HSBP1: variants seen among roughly 807,000 people sequenced by gnomAD.
HSBP1 encodes heat shock factor-binding protein 1.
HSBP1 carries 5 observed loss-of-function variants against 9.6 expected under a neutral mutation model. That is an observed-to-expected ratio of 0.52 (90% CI 0.27 to 1.09). The LOEUF (loss-of-function observed/expected upper bound fraction) is 1.09, where lower values mean the gene tolerates loss of function less well. HSBP1 is among the 50% of genes least tolerant of loss of function. The pLI, the probability that HSBP1 is intolerant of heterozygous loss-of-function variation, is 0.11. For missense variants in HSBP1, 121 were observed against 96.3 expected, an observed-to-expected ratio of 1.26 and a Z score of -1.07; for synonymous variants, 42 against 33.3, an observed-to-expected ratio of 1.26 and a Z score of -0.90.
rs1254888672 is a variant in HSBP1, at chr16:83,812,817, C to T, written c.*1399C>T. 6.6e-6 allele frequency: 1 copy of T among 152,238 alleles called. No individual in the cohort carries two copies. The highest frequency in any genetic ancestry group is 2.4e-5 in the African/African-American group (1 of 41,396). The allele number at this position is 152,238 out of a possible 1,614,324, so 9.4% of individuals were successfully genotyped here. A position where few individuals can be genotyped will look rare whatever the true frequency, so the allele number is the denominator to read the frequency against. The stretch of plus-strand genomic sequence containing the variant: ...GACCAGACCATCCGAAACCTGCGTC[C>T]CTGGTGATGTTCTCAAGCCTCGGAA... On this transcript the variant is annotated 3_prime_UTR_variant, in exon 4 of 4. Transcript: ENST00000433866.
intron 3 of HSBP1, among the ~76,000 whole-genome samples, chr16:83,810,747 T>G (rs1904583713): frequency 7.1e-6 from 1 of 140,448 alleles, no homozygotes; most frequent in Admixed American, 7.2e-5. Context: ...AGGCAGAGTT[T>G]GCAGTGAGTC....
intron 2 of HSBP1, 163 bp from the exon 3 acceptor site, chr16:83,809,142 T>A (rs1904536280): frequency 3.5e-6 from 2 of 574,924 alleles, no homozygotes; most frequent in East Asian, 5.7e-5. Context: ...GGGGTAGCCA[T>A]GCCCCACAGT....
At position 83,819,081 on chromosome 16, in the gene HSBP1, G is replaced by A. The variant is rs1904782722; in HGVS notation, c.*7663G>A. On this transcript the variant is annotated 3_prime_UTR_variant, in exon 4 of 4. Coordinates refer to ENST00000433866, the MANE Select transcript of HSBP1 (RefSeq NM_001537.4). Reference sequence around the variant, plus strand: ...TGAGAGTGAGAGAGCCAGGGCCTTCGGGCATCAACCTTGGGGCGAGGGTGT... The same window carrying A: ...TGAGAGTGAGAGAGCCAGGGCCTTCAGGCATCAACCTTGGGGCGAGGGTGT... The A allele has an allele frequency of 1.3e-5, 2 of 151,888 alleles. No individual in the cohort carries two copies. The highest frequency in any genetic ancestry group is 6.6e-5 in the Admixed American group (1 of 15,236). The allele number at this position is 151,888 out of a possible 1,614,324, so 9.4% of individuals were successfully genotyped here. A position where few individuals can be genotyped will look rare whatever the true frequency, so the allele number is the denominator to read the frequency against.
At chr16:83,808,278 C>T (rs1038631167) in intron 1 of HSBP1, 157 bp downstream of exon 1, 7 of 652,852 alleles carry the variant, frequency 1.1e-5, no homozygotes, top group South Asian at 2.0e-5. Flanking sequence ...GCCACCTTGA[C>T]CCCCGGGGCG....
intron 3 of HSBP1, 114 bp downstream of exon 3, chr16:83,809,539 G>A: frequency 1.7e-6 from 1 of 586,492 alleles, no homozygotes; most frequent in Non-Finnish European, 2.9e-6. Context: ...CACGATCTCG[G>A]CTCCCTGCAA....
Position 83,811,412 on chromosome 16 carries a change from C to T in HSBP1, c.*3-9C>T, listed in dbSNP as rs574463469. On this transcript the variant is annotated splice_polypyrimidine_tract_variant and intron_variant, in intron 3 of 3. Coordinates refer to ENST00000433866, the MANE Select transcript of HSBP1 (RefSeq NM_001537.4). ...AAAAACATGTTGATGATTTTTCCTT[C>T]TTCAACAGGTTGCTAATAATTTATA... is the stretch of plus-strand genomic sequence containing the variant. 5.3e-5 allele frequency: 8 copies of T among 152,346 alleles called. No individual in the cohort carries two copies. Among genetic ancestry groups the T allele is most frequent in the Admixed American group, 1.3e-4 (2 of 15,306 alleles). 9.4% of individuals were successfully genotyped at this position (152,346 alleles called of 1,614,324 possible). A position where few individuals can be genotyped will look rare whatever the true frequency, so the allele number is the denominator to read the frequency against.
rs1281468630 is a variant in HSBP1, at chr16:83,813,778, A to C, written c.*2360A>C. On this transcript the variant is annotated 3_prime_UTR_variant, in exon 4 of 4. Coordinates refer to ENST00000433866, the MANE Select transcript of HSBP1 (RefSeq NM_001537.4). ...ACATTTAATTAAGTGCCCTGTCTCA[A>C]ACCCCAAGGCCCCACAGCTTCTTCA... The C allele has an allele frequency of 1.3e-5, 2 of 152,174 alleles. No homozygotes were observed. The highest frequency in any genetic ancestry group is 4.8e-5 in the African/African-American group (2 of 41,414). The allele number at this position is 152,174 out of a possible 1,614,324, so 9.4% of individuals were successfully genotyped here. A position where few individuals can be genotyped will look rare whatever the true frequency, so the allele number is the denominator to read the frequency against.
rs1904749658 is a variant in HSBP1, at chr16:83,817,556, A to G, written c.*6138A>G. The stretch of plus-strand genomic sequence containing the variant: ...AGCTGGAATTCATCTCCCTCTAATC[A>G]GCCTTCAAAACCTCCATTTGTAAAC... On this transcript the variant is annotated 3_prime_UTR_variant, in exon 4 of 4. Coordinates refer to ENST00000433866, the MANE Select transcript of HSBP1 (RefSeq NM_001537.4). 6.6e-6 allele frequency: 1 copy of G among 152,220 alleles called. No individual in the cohort carries two copies. The highest frequency in any genetic ancestry group is 2.4e-5 in the African/African-American group (1 of 41,438). The allele number at this position is 152,220 out of a possible 1,614,324, so 9.4% of individuals were successfully genotyped here.
At position 83,811,764 on chromosome 16, in the gene HSBP1, A is replaced by AT. The variant is rs1004997278; in HGVS notation, c.*352dup. The AT allele has an allele frequency of 8.6e-5, 13 of 152,028 alleles. No homozygotes were observed. Among genetic ancestry groups the AT allele is most frequent in the Non-Finnish European group, 1.6e-4 (11 of 68,004 alleles). The allele number at this position is 152,028 out of a possible 1,614,324, so 9.4% of individuals were successfully genotyped here. A position where few individuals can be genotyped will look rare whatever the true frequency, so the allele number is the denominator to read the frequency against. ...CTGTTTGGATAAAAGTTGATGTGTG[A>AT]TTTTTTATTAAACAAATAGTAAACC... On this transcript the variant is annotated 3_prime_UTR_variant, in exon 4 of 4. Transcript: ENST00000433866.
chr16:83,814,332 T>C lies in HSBP1; in HGVS notation c.*2914T>C, dbSNP rs1904670326. The C allele has an allele frequency of 6.6e-6, 1 of 152,268 alleles. No individual in the cohort carries two copies. The allele number at this position is 152,268 out of a possible 1,614,324, so 9.4% of individuals were successfully genotyped here. Reference sequence around the variant, plus strand: ...CACAACAACACTGAGAGGTTTTCATTTGATGAGTCATATTTAAAGAAAAGG... The same window carrying C: ...CACAACAACACTGAGAGGTTTTCATCTGATGAGTCATATTTAAAGAAAAGG... On this transcript the variant is annotated 3_prime_UTR_variant, in exon 4 of 4. Coordinates refer to ENST00000433866, the MANE Select transcript of HSBP1 (RefSeq NM_001537.4).
In HSBP1 at chr16:83,812,074, G is replaced by C. The variant is rs1021796664; in HGVS notation, c.*656G>C. ...CTTGTGTCAGAACTTTTACAGTACA[G>C]AAAATAACAGAATAGCCTTCTGTAA... On this transcript the variant is annotated 3_prime_UTR_variant, in exon 4 of 4. Coordinates refer to ENST00000433866, the MANE Select transcript of HSBP1 (RefSeq NM_001537.4). The C allele has an allele frequency of 6.6e-6, 1 of 152,632 alleles. No homozygotes were observed. The highest frequency in any genetic ancestry group is 6.5e-5 in the Admixed American group (1 of 15,276). 9.5% of individuals were successfully genotyped at this position (152,632 alleles called of 1,614,324 possible).
rs1306205387 is a variant in HSBP1 at position 83,818,993 on chromosome 16, G to C, written c.*7575G>C. The C allele has an allele frequency of 6.6e-6, 1 of 151,622 alleles. No homozygotes were observed. Among genetic ancestry groups the C allele is most frequent in the East Asian group, 1.9e-4 (1 of 5,162 alleles). The allele number at this position is 151,622 out of a possible 1,614,324, so 9.4% of individuals were successfully genotyped here. A position where few individuals can be genotyped will look rare whatever the true frequency, so the allele number is the denominator to read the frequency against. ...TCCCCAGGCCCTACCTAGCCCTACT[G>C]AATCAGAGACCCTGGGAGGGAGGTC... On this transcript the variant is annotated 3_prime_UTR_variant, in exon 4 of 4. Coordinates refer to ENST00000433866, the MANE Select transcript of HSBP1 (RefSeq NM_001537.4).
chr16:83,809,106 T>A lies in HSBP1; in HGVS notation c.113-199T>A, dbSNP rs62045410. 6.1e-3 allele frequency: 3,447 copies of A among 560,532 alleles called. 24 individuals are homozygous for A. Among genetic ancestry groups the A allele is most frequent in the Non-Finnish European group, 8.2e-3 (2,579 of 316,214 alleles). 34.7% of individuals were successfully genotyped at this position (560,532 alleles called of 1,614,324 possible). A position where few individuals can be genotyped will look rare whatever the true frequency, so the allele number is the denominator to read the frequency against. ...TGAGGTTTAGGGGTTCCATCACTAG[T>A]AAGGGTCAGGGCTGGAATCCGATGC... On this transcript the variant is annotated intron_variant, in intron 2 of 3. Coordinates refer to ENST00000433866, the MANE Select transcript of HSBP1 (RefSeq NM_001537.4).
rs368285643 is a variant in HSBP1, at chr16:83,808,776, G to A, written c.112+30G>A. ...CCTTTTTATCTGCAGTCGGCCTCCTGTGGGCCTTTGGAGCCTATTTGCCGG... is the reference window on the plus strand; with the variant it reads ...CCTTTTTATCTGCAGTCGGCCTCCTATGGGCCTTTGGAGCCTATTTGCCGG... On this transcript the variant is annotated intron_variant, in intron 2 of 3. Transcript: ENST00000433866. 2,448 of 1,561,612 alleles carry A rather than the reference G, an allele frequency of 1.6e-3. 4 individuals carry two copies. The highest frequency in any genetic ancestry group is 2.0e-3 in the Non-Finnish European group (2,274 of 1,138,622).
At position 83,815,531 on chromosome 16, in the gene HSBP1, G is replaced by A. The variant is rs1301725400; in HGVS notation, c.*4113G>A. 5 of 150,664 alleles carry A rather than the reference G, an allele frequency of 3.3e-5. No individual in the cohort carries two copies. Among genetic ancestry groups the A allele is most frequent in the East Asian group, 1.9e-4 (1 of 5,162 alleles). The allele number at this position is 150,664 out of a possible 1,614,324, so 9.3% of individuals were successfully genotyped here. A position where few individuals can be genotyped will look rare whatever the true frequency, so the allele number is the denominator to read the frequency against. ...TGTCTCAAAAAAAAAAAAAAAGGGCGGATCCTAACGCTTGGTCCTCACACC... is the reference window on the plus strand; with the variant it reads ...TGTCTCAAAAAAAAAAAAAAAGGGCAGATCCTAACGCTTGGTCCTCACACC... On this transcript the variant is annotated 3_prime_UTR_variant, in exon 4 of 4. Transcript: ENST00000433866.
chr16:83,812,213 C>T lies in HSBP1; in HGVS notation c.*795C>T, dbSNP rs951281409. On this transcript the variant is annotated 3_prime_UTR_variant, in exon 4 of 4. Transcript: ENST00000433866. ...ATCTGGCAGGATTTTAAAACTCAAT[C>T]AGTCTTTCCTTTGAGCTAGTGACTT... 1.2e-4 allele frequency: 19 copies of T among 152,628 alleles called. No homozygotes were observed. The highest frequency in any genetic ancestry group is 4.6e-4 in the African/African-American group (19 of 41,450). The allele number at this position is 152,628 out of a possible 1,614,324, so 9.5% of individuals were successfully genotyped here.
In HSBP1 at chr16:83,814,773, C is replaced by T. The variant is rs140081289; in HGVS notation, c.*3355C>T. 6.6e-6 allele frequency: 1 copy of T among 152,162 alleles called. No individual in the cohort carries two copies. Among genetic ancestry groups the T allele is most frequent in the African/African-American group, 2.4e-5 (1 of 41,422 alleles). The allele number at this position is 152,162 out of a possible 1,614,324, so 9.4% of individuals were successfully genotyped here. A position where few individuals can be genotyped will look rare whatever the true frequency, so the allele number is the denominator to read the frequency against. On this transcript the variant is annotated 3_prime_UTR_variant, in exon 4 of 4. Transcript: ENST00000433866. ...AAAATGTGTGCTCCTGGATCAGTGC[C>T]TTTTTTCTCCTAAATCAGTTGAGAA...
intron 2 of HSBP1, 129 bp downstream of exon 2, chr16:83,808,875 T>C: frequency 1.4e-6 from 1 of 714,456 alleles, no homozygotes; most frequent in Non-Finnish European, 2.3e-6. Flanking sequence ...GCTTGGATTG[T>C]ACTGTGTTTC....
At position 83,815,511 on chromosome 16, in the gene HSBP1, C is replaced by CAA. The variant is rs11445473; in HGVS notation, c.*4107_*4108dup. 49,751 of 135,924 alleles carry CAA rather than the reference C, an allele frequency of 0.37. 9,529 individuals are homozygous for CAA. The highest frequency in any genetic ancestry group is 0.43 in the Non-Finnish European group (27,774 of 64,232). The allele number at this position is 135,924 out of a possible 1,614,324, so 8.4% of individuals were successfully genotyped here. On this transcript the variant is annotated 3_prime_UTR_variant, in exon 4 of 4. Coordinates refer to ENST00000433866, the MANE Select transcript of HSBP1 (RefSeq NM_001537.4). ...GGGGTGACAGAGCAAGACCCTGTCTCAAAAAAAAAAAAAAAGGGCGGATCC... is the reference window on the plus strand; with the variant it reads ...GGGGTGACAGAGCAAGACCCTGTCTCAAAAAAAAAAAAAAAAAGGGCGGATCC...
Sources: gnomAD v4.1 joint callset for allele counts (sites outside exome capture counted in the v4.1 genomes callset) on GRCh38, gnomAD v4.1.1 for gene constraint, MANE v1.5 for transcripts, NCBI Gene and HGNC (gene_info 2026-07-23, HGNC 2026-07-21) for gene names.